NRG3: variants seen among roughly 807,000 people sequenced by gnomAD.
NRG3 encodes the protein pro-neuregulin-3, membrane-bound isoform.
NRG3 carries 31 observed loss-of-function variants against 66.9 expected under a neutral mutation model. The observed-to-expected ratio is 0.46, with a 90% CI of 0.35 to 0.63. The LOEUF (loss-of-function observed/expected upper bound fraction) is 0.63, where lower values mean the gene tolerates loss of function less well. NRG3 is among the 20% of genes least tolerant of loss of function. The probability of loss-of-function intolerance (pLI) is 0.00; values close to 1 mark genes in which losing one functional copy is unlikely to be tolerated. For synonymous variants in NRG3, 393 were observed against 359.4 expected (o/e 1.09, Z -1.06); for missense variants, 910 against 878.9 (o/e 1.04, Z -0.45).
rs907872830 is a variant in NRG3, at chr10:82,266,296, T to C, written c.824-92443T>C. Among the ~76,000 whole-genome samples, 6 of 152,094 alleles carry C rather than the reference T, an allele frequency of 3.9e-5. No homozygotes were observed. The East Asian group carries it at 9.7e-4, about 25-fold the overall frequency. On this transcript the variant is annotated intron_variant, in intron 1 of 8. Transcript: ENST00000372141. ...TTCTATTATAATCCCATTGGAGTAATGGTCTTAGTCCATTTTGAAAGGTAA... is the reference window on the plus strand; with the variant it reads ...TTCTATTATAATCCCATTGGAGTAACGGTCTTAGTCCATTTTGAAAGGTAA...
rs1234527630 is a variant in NRG3, at chr10:82,168,308, G to A, written c.824-190431G>A. 2.0e-5 allele frequency among the ~76,000 whole-genome samples: 3 copies of A among 152,124 alleles called. No homozygotes were observed. In the East Asian group the frequency reaches 5.8e-4, roughly 30 times the overall value. On this transcript the variant is annotated intron_variant, in intron 1 of 8. Transcript: ENST00000372141. ...CTCCGTGGGTAGGTGGCTGGGAATT[G>A]TCCATTTGGCTTCTCTCTTGGAAGA...
At chr10:82,017,101 C>T (rs2061820624) in intron 1 of NRG3, among the ~76,000 whole-genome samples, 1 of 152,146 alleles carries the variant, frequency 6.6e-6, no homozygotes, top group Non-Finnish European at 1.5e-5. Flanking sequence ...CACCCCACAA[C>T]AGGCCCCGGT....
At chr10:82,393,864 G>A (rs1443359942) in intron 2 of NRG3, among the ~76,000 whole-genome samples, 1 of 152,144 alleles carries the variant, frequency 6.6e-6, no homozygotes, top group East Asian at 1.9e-4. Context: ...TGCACTCTAT[G>A]ATAATTCATA....
intron 4 of NRG3, among the ~76,000 whole-genome samples, chr10:82,904,006 G>A (rs1367766915): frequency 2.6e-5 from 4 of 152,016 alleles, no homozygotes; most frequent in Non-Finnish European, 5.9e-5. Context: ...GCATTCAATC[G>A]TGTCACTTTA....
At chr10:82,759,177 T>TCG (rs2059201978) in intron 3 of NRG3, among the ~76,000 whole-genome samples, 1 of 20,790 alleles carries the variant, frequency 4.8e-5, no homozygotes, top group Admixed American at 7.5e-4. Flanking sequence ...GCTTTCTTGG[T>TCG]CTCTCTCTCT....
At chr10:81,909,321 C>A (rs1381875204) in intron 1 of NRG3, among the ~76,000 whole-genome samples, 1 of 152,020 alleles carries the variant, frequency 6.6e-6, no homozygotes, top group Non-Finnish European at 1.5e-5. Flanking sequence ...CTGCAAAGGC[C>A]CCATTTTCAA....
intron 2 of NRG3, among the ~76,000 whole-genome samples, chr10:82,544,121 A>T (rs910108984): frequency 6.6e-6 from 1 of 152,312 alleles, no homozygotes; most frequent in Admixed American, 6.5e-5. Context: ...TAATTTCATT[A>T]GGTGGTTTAA....
intron 2 of NRG3, among the ~76,000 whole-genome samples, chr10:82,483,615 C>CATAA (rs1460446716): frequency 1.3e-5 from 2 of 152,196 alleles, no homozygotes; most frequent in African/African-American, 4.8e-5. Flanking sequence ...ACATTTCACA[C>CATAA]ACAAACACAC....
At chr10:82,731,220 A>G (rs963426193) in intron 2 of NRG3, among the ~76,000 whole-genome samples, 3 of 152,000 alleles carry the variant, frequency 2.0e-5, no homozygotes, top group Non-Finnish European at 4.4e-5. Context: ...TACAAAACTT[A>G]GCCAGGCATG....
At chr10:82,522,660 T>C (rs1846306736) in intron 2 of NRG3, among the ~76,000 whole-genome samples, 1 of 151,212 alleles carries the variant, frequency 6.6e-6, no homozygotes, top group South Asian at 2.1e-4. Flanking sequence ...AAATGCAATA[T>C]CTGCAAAGTG....
chr10:82,348,956 G>C (rs918975647), intron 1 of NRG3, among the ~76,000 whole-genome samples: 12 of 148,122 alleles, frequency 8.1e-5, no homozygotes, highest in Admixed American at 7.4e-4. Context: ...GGTTATTCTA[G>C]TTATACATTC....
intron 2 of NRG3, among the ~76,000 whole-genome samples, chr10:82,387,592 G>T (rs996406082): frequency 4.1e-4 from 63 of 152,210 alleles, no homozygotes; most frequent in Admixed American, 7.8e-4. Flanking sequence ...TTTAATAGAT[G>T]AACCCTCATG....
chr10:82,006,537 C>T (rs558570452), intron 1 of NRG3, among the ~76,000 whole-genome samples: 21 of 152,126 alleles, frequency 1.4e-4, no homozygotes, highest in Admixed American at 1.1e-3. Flanking sequence ...ATAGTCTCTA[C>T]GTAATAATTT....
intron 2 of NRG3, among the ~76,000 whole-genome samples, chr10:82,626,559 T>C (rs2049436778): frequency 6.6e-6 from 1 of 152,158 alleles, no homozygotes; most frequent in Non-Finnish European, 1.5e-5. Flanking sequence ...ATTTCTTCTC[T>C]TGGGGGTAAG....
chr10:82,296,826 A>C (rs2080091551), intron 1 of NRG3, among the ~76,000 whole-genome samples: 1 of 152,010 alleles, frequency 6.6e-6, no homozygotes, highest in African/African-American at 2.4e-5. Flanking sequence ...TTGTTTGTTA[A>C]ATGGGTATAT....
chr10:81,923,326 C>T (rs1271373778), intron 1 of NRG3, among the ~76,000 whole-genome samples: 1 of 152,174 alleles, frequency 6.6e-6, no homozygotes, highest in Non-Finnish European at 1.5e-5. Context: ...CTGCCTCAGC[C>T]TCCCGAGTAG....
intron 4 of NRG3, among the ~76,000 whole-genome samples, chr10:82,892,555 A>G (rs1327130365): frequency 6.6e-6 from 1 of 151,916 alleles, no homozygotes; most frequent in Admixed American, 6.6e-5. Context: ...GGTACTAGAT[A>G]CTCAGGAGGC....
At chr10:82,228,922 C>CA (rs2076306939) in intron 1 of NRG3, 1 of 152,278 alleles carries the variant, frequency 6.6e-6, no homozygotes, top group Non-Finnish European at 1.5e-5. Flanking sequence ...GACATTGAGA[C>CA]TTACCACTTG....
At chr10:82,111,109 G>C (rs2132241646) in intron 1 of NRG3, among the ~76,000 whole-genome samples, 1 of 152,226 alleles carries the variant, frequency 6.6e-6, no homozygotes, top group East Asian at 1.9e-4. Flanking sequence ...TTGAAAACAT[G>C]TTCCCACATG....
Sources: gnomAD v4.1 joint callset for allele counts (sites outside exome capture counted in the v4.1 genomes callset) on GRCh38, gnomAD v4.1.1 for gene constraint, MANE v1.5 for transcripts, NCBI Gene and HGNC (gene_info 2026-07-23, HGNC 2026-07-21) for gene names.